METTL21A: variants seen among roughly 807,000 people sequenced by gnomAD.
The protein encoded by METTL21A is methyltransferase 21A, HSPA lysine, also known as protein N-lysine methyltransferase METTL21A.
Under a neutral mutation model 20.9 loss-of-function variants are expected in METTL21A, and 22 were observed. That is an observed-to-expected ratio of 1.05 (90% CI 0.75 to 1.50). The LOEUF is 1.50. Ranked by LOEUF, METTL21A falls within the 40% of genes most tolerant of loss-of-function variation. METTL21A has a pLI of 0.00. For missense variants in METTL21A, 271 were observed against 266.8 expected (o/e 1.02, Z -0.11); for synonymous variants, 93 against 102.0 (o/e 0.91, Z 0.53).
upstream of METTL21A, chr2:207,625,846 G>C (rs1322051419): frequency 1.3e-5 from 2 of 152,288 alleles, no homozygotes; most frequent in Non-Finnish European, 2.9e-5. Flanking sequence ...GCGTCTCCAC[G>C]GTGGGGTCAG....
downstream of METTL21A, among the ~76,000 whole-genome samples, chr2:207,606,363 T>C (rs1045899559): frequency 2.6e-5 from 4 of 152,094 alleles, no homozygotes; most frequent in Non-Finnish European, 5.9e-5. Flanking sequence ...GCGCCTGTAA[T>C]CCCAGCTACT....
At chr2:207,620,020 AC>A (rs1253507863) in intron 3 of METTL21A, among the ~76,000 whole-genome samples, 1 of 152,274 alleles carries the variant, frequency 6.6e-6, no homozygotes, top group African/African-American at 2.4e-5. Context: ...ACTTTGCTAC[AC>A]TAACATGTCT....
chr2:207,581,739 G>A, exon 4 of METTL21A: 1 of 637,204 alleles, frequency 1.6e-6, no homozygotes, highest in Non-Finnish European at 2.8e-6. Context: ...AAAGTACATT[G>A]GTATAATACC....
chr2:207,593,797 C>T (rs2085557291), intron 3 of METTL21A, among the ~76,000 whole-genome samples: 1 of 149,456 alleles, frequency 6.7e-6, no homozygotes, highest in Non-Finnish European at 1.5e-5. Flanking sequence ...TGGCTCACTG[C>T]AATCTCTGCC....
chr2:207,595,779 G>T (rs1448435118), intron 3 of METTL21A, among the ~76,000 whole-genome samples: 1 of 151,940 alleles, frequency 6.6e-6, no homozygotes, highest in African/African-American at 2.4e-5. Context: ...ATATTGCCCA[G>T]GCTGTTCTTG....
chr2:207,593,179 T>G (rs1374353030), intron 3 of METTL21A, among the ~76,000 whole-genome samples: 1 of 152,188 alleles, frequency 6.6e-6, no homozygotes, highest in East Asian at 1.9e-4. Context: ...CATCTGATCT[T>G]ACATGTTATC....
rs748021586 is a variant in METTL21A, at chr2:207,597,095, T to C, written c.260-14935A>G. ...AATTTTCACCTGTTAAGGTGGAAAATGGACTGGCTTGGCCACAACCTGAAA... is the reference window on the plus strand; with the variant it reads ...AATTTTCACCTGTTAAGGTGGAAAACGGACTGGCTTGGCCACAACCTGAAA... On this transcript the variant is annotated intron_variant, in intron 3 of 3. Transcript: ENST00000425132. The C allele has an allele frequency of 1.8e-5, 29 of 1,569,772 alleles. No homozygotes were observed. The East Asian group carries it at 5.5e-4, about 30-fold the overall frequency.
At chr2:207,584,690 C>T (rs2083508082) in intron 3 of METTL21A, among the ~76,000 whole-genome samples, 1 of 152,236 alleles carries the variant, frequency 6.6e-6, no homozygotes, top group South Asian at 2.1e-4. Context: ...GTGTGAGCTA[C>T]TGTGCCCAGC....
chr2:207,605,259 C>T (rs999966835), downstream of METTL21A, among the ~76,000 whole-genome samples: 5 of 152,162 alleles, frequency 3.3e-5, no homozygotes, highest in African/African-American at 1.2e-4. Flanking sequence ...TATAGCCATC[C>T]TCATGGGTGT....
chr2:207,594,160 C>A (rs2106636759), intron 3 of METTL21A, among the ~76,000 whole-genome samples: 1 of 152,206 alleles, frequency 6.6e-6, no homozygotes, highest in Non-Finnish European at 1.5e-5. Flanking sequence ...GAGCAGCTTG[C>A]TAAAGAATAA....
At chr2:207,602,225 TAAA>T (rs1213731177) in intron 3 of METTL21A, 3 of 185,446 alleles carry the variant, frequency 1.6e-5, no homozygotes, top group African/African-American at 7.0e-5. Flanking sequence ...ATTTATTTTT[TAAA>T]AAAAGAAAAA....
At chr2:207,624,825 A>G (rs1190845641) in intron 1 of METTL21A, 1 of 152,344 alleles carries the variant, frequency 6.6e-6, no homozygotes, top group African/African-American at 2.4e-5. Flanking sequence ...TTCTTTCGCT[A>G]CGGTTTCGCT....
chr2:207,596,799 T>C (rs1310323212), intron 3 of METTL21A: 2 of 1,178,566 alleles, frequency 1.7e-6, no homozygotes, highest in Non-Finnish European at 1.2e-6. Context: ...GCTTAATATA[T>C]ACTAAAATGT....
At chr2:207,594,861 C>G (rs1281770423) in intron 3 of METTL21A, among the ~76,000 whole-genome samples, 1 of 152,148 alleles carries the variant, frequency 6.6e-6, no homozygotes, top group Non-Finnish European at 1.5e-5. Context: ...TTCCAGTTTC[C>G]TCACATCCTC....
chr2:207,613,810 A>G (rs898938190), intron 3 of METTL21A, among the ~76,000 whole-genome samples: 1 of 151,962 alleles, frequency 6.6e-6, no homozygotes, highest in African/African-American at 2.4e-5. Flanking sequence ...ATGGCCAACT[A>G]AAAATACAAA....
chr2:207,625,371 C>T (rs1368651539), exon 1 of METTL21A: 2 of 152,008 alleles, frequency 1.3e-5, no homozygotes, highest in East Asian at 1.9e-4. Context: ...GGCGGGCGGC[C>T]CCGGCCCGGA....
chr2:207,580,745 A>C (rs1046663949), downstream of METTL21A: 1 of 224,656 alleles, frequency 4.5e-6, no homozygotes, highest in Non-Finnish European at 8.9e-6. Flanking sequence ...ACAACCACGA[A>C]TCTCAGTGTC....
chr2:207,606,837 G>A (rs1222651599), downstream of METTL21A, among the ~76,000 whole-genome samples: 1 of 152,002 alleles, frequency 6.6e-6, no homozygotes, highest in Non-Finnish European at 1.5e-5. Context: ...TAAAGAATTG[G>A]CAGTAAATGC....
chr2:207,597,445 C>T (rs2086354015), intron 3 of METTL21A: 1 of 234,118 alleles, frequency 4.3e-6, no homozygotes, highest in African/African-American at 2.2e-5. Context: ...ATTACCCCAG[C>T]CTCTTGAGCT....
Sources: gnomAD v4.1 joint callset for allele counts (sites outside exome capture counted in the v4.1 genomes callset) on GRCh38, gnomAD v4.1.1 for gene constraint, MANE v1.5 for transcripts, NCBI Gene and HGNC (gene_info 2026-07-23, HGNC 2026-07-21) for gene names.